COLQ: variants seen among roughly 807,000 people sequenced by gnomAD.
COLQ encodes collagen like tail subunit of asymmetric acetylcholinesterase.
A neutral mutation model predicts 69.0 loss-of-function variants in COLQ; 48 were observed. The ratio of observed to expected loss-of-function variants is 0.70; its 90% CI spans 0.55 to 0.88. The LOEUF (loss-of-function observed/expected upper bound fraction) is 0.88, where lower values mean the gene tolerates loss of function less well. COLQ is among the 40% of genes least tolerant of loss of function. COLQ has a pLI of 0.00. For missense variants in COLQ, 618 were observed against 594.6 expected, an observed-to-expected ratio of 1.04 and a Z score of -0.41; for synonymous variants, 217 against 211.2, an observed-to-expected ratio of 1.03 and a Z score of -0.24.
chr3:15,477,277 C>G, intron 5 of COLQ, 80 bp from the exon 6 acceptor site: 1 of 1,333,076 alleles, frequency 7.5e-7, no homozygotes, highest in Non-Finnish European at 1.1e-6. Flanking sequence ...CTCTGGGGCC[C>G]AGAGGAGACA....
chr3:15,520,634 G>A (rs59679538), intron 1 of COLQ, among the ~76,000 whole-genome samples: 20,011 of 152,200 alleles, frequency 0.13, 1,435 homozygotes, highest in East Asian at 0.16. Context: ...GGCTGTGAGG[G>A]TCTGCCTGCC....
chr3:15,459,791 TTTATTATTA>T (rs3067773), intron 12 of COLQ, among the ~76,000 whole-genome samples: 1 of 149,994 alleles, frequency 6.7e-6, no homozygotes, highest in Non-Finnish European at 1.5e-5. Flanking sequence ...GCACCCATAT[TTTATTATTA>T]TTATTATTAT....
intron 3 of COLQ, among the ~76,000 whole-genome samples, chr3:15,486,953 C>T (rs1180310224): frequency 1.3e-5 from 2 of 152,178 alleles, no homozygotes; most frequent in Non-Finnish European, 2.9e-5. Context: ...AAAAAGCAGC[C>T]ACAGACAATA....
chr3:15,499,458 A>G (rs930416216), intron 1 of COLQ, among the ~76,000 whole-genome samples: 1 of 152,234 alleles, frequency 6.6e-6, no homozygotes, highest in East Asian at 1.9e-4. Flanking sequence ...TGTGGGTCAC[A>G]TGGTCTCCGT....
intron 1 of COLQ, among the ~76,000 whole-genome samples, chr3:15,511,597 G>T (rs953466583): frequency 6.6e-6 from 1 of 152,108 alleles, no homozygotes; most frequent in Non-Finnish European, 1.5e-5. Flanking sequence ...TAGAGACAGG[G>T]GACTCCTGTG....
intron 1 of COLQ, among the ~76,000 whole-genome samples, chr3:15,493,210 G>A (rs78100655): frequency 0.041 from 6,188 of 152,294 alleles, 289 homozygotes; most frequent in Admixed American, 0.14. Flanking sequence ...AGCTGGGGAG[G>A]TGGCTGATGG....
chr3:15,454,042 T>C lies in COLQ; in HGVS notation c.1196-111A>G, dbSNP rs1305391878. 5.4e-5 allele frequency: 40 copies of C among 744,354 alleles called. No individual in the cohort carries two copies. In the Admixed American group the frequency reaches 7.9e-4, roughly 15 times the overall value. The allele number at this position is 744,354 out of a possible 1,614,324, so 46.1% of individuals were successfully genotyped here. ...GATCCAACCTAAGTGCTGCACCCCT[T>C]AAAGAACTGACCTCCATTAAGCTTC... On this transcript the variant is annotated intron_variant, in intron 15 of 16. Transcript: ENST00000383788.
intron 3 of COLQ, among the ~76,000 whole-genome samples, chr3:15,486,181 G>A (rs544226710): frequency 6.6e-6 from 1 of 152,248 alleles, no homozygotes; most frequent in South Asian, 2.1e-4. Context: ...TTCTTGAAGT[G>A]GACTAGAACT....
At chr3:15,492,572 T>C (rs1200963008) in intron 1 of COLQ, among the ~76,000 whole-genome samples, 1 of 150,658 alleles carries the variant, frequency 6.6e-6, no homozygotes, top group South Asian at 2.1e-4. Flanking sequence ...GAGGCTGAGG[T>C]GGGAGAATGG....
chr3:15,463,745 C>T (rs1290199328), intron 12 of COLQ, among the ~76,000 whole-genome samples: 1 of 152,108 alleles, frequency 6.6e-6, no homozygotes, highest in Non-Finnish European at 1.5e-5. Context: ...CGGTTGGTAG[C>T]TCATAGTTAT....
At chr3:15,489,472 G>T in intron 2 of COLQ, 53 bp downstream of exon 2, 1 of 1,542,578 alleles carries the variant, frequency 6.5e-7, no homozygotes, top group Non-Finnish European at 9.0e-7. Context: ...GCTGCGTGGT[G>T]TGCACTGAGT....
chr3:15,504,635 G>A (rs1400058138), intron 1 of COLQ, among the ~76,000 whole-genome samples: 1 of 152,214 alleles, frequency 6.6e-6, no homozygotes, highest in Non-Finnish European at 1.5e-5. Context: ...GAGGCAGGTA[G>A]ATCACTTGAG....
intron 11 of COLQ, 99 bp from the exon 12 acceptor site, chr3:15,466,536 C>A (rs2062203443): frequency 9.8e-7 from 1 of 1,019,676 alleles, no homozygotes; most frequent in Non-Finnish European, 1.5e-6. Flanking sequence ...ACTTAAGGAG[C>A]AAGAGCCCAG....
intron 1 of COLQ, among the ~76,000 whole-genome samples, chr3:15,515,581 A>C (rs1052641620): frequency 1.3e-5 from 2 of 152,174 alleles, no homozygotes; most frequent in Non-Finnish European, 2.9e-5. Flanking sequence ...AGGCTGAGGC[A>C]GACAGATCAC....
At chr3:15,478,110 G>A (rs1010658121) in intron 5 of COLQ, among the ~76,000 whole-genome samples, 3 of 152,174 alleles carry the variant, frequency 2.0e-5, no homozygotes, top group Admixed American at 1.3e-4. Flanking sequence ...CATCCATGGC[G>A]ACATCACTAA....
At chr3:15,520,836 T>C (rs1228058928) in intron 1 of COLQ, among the ~76,000 whole-genome samples, 1 of 151,880 alleles carries the variant, frequency 6.6e-6, no homozygotes, top group Non-Finnish European at 1.5e-5. Context: ...GCAGACACAC[T>C]CAGCTCCAGA....
chr3:15,482,848 T>C (rs2062512602), intron 3 of COLQ, among the ~76,000 whole-genome samples: 2 of 152,206 alleles, frequency 1.3e-5, no homozygotes, highest in Non-Finnish European at 2.9e-5. Context: ...CCTGGACTTT[T>C]TTTGGTTGGT....
chr3:15,498,639 G>A (rs2062786612), intron 1 of COLQ: 1 of 1,551,320 alleles, frequency 6.4e-7, no homozygotes, highest in Non-Finnish European at 8.7e-7. Flanking sequence ...CCGGAGACAG[G>A]CTGAGATTCG....
chr3:15,476,907 T>A (rs1324105122), intron 6 of COLQ, among the ~76,000 whole-genome samples: 1 of 152,192 alleles, frequency 6.6e-6, no homozygotes, highest in Non-Finnish European at 1.5e-5. Context: ...AGCCCCCTAT[T>A]TCTCCTCCCA....
Sources: gnomAD v4.1 joint callset for allele counts (sites outside exome capture counted in the v4.1 genomes callset) on GRCh38, gnomAD v4.1.1 for gene constraint, MANE v1.5 for transcripts, NCBI Gene and HGNC (gene_info 2026-07-23, HGNC 2026-07-21) for gene names.